The following PAX5 variants were observed in gnomAD, a reference collection of about 807,000 sequenced individuals.
The protein encoded by PAX5 is paired box 5.
In PAX5, 9 loss-of-function variants were observed where a neutral mutation model predicts 43.7. That is an observed-to-expected ratio of 0.21 (90% CI 0.12 to 0.36). The LOEUF (loss-of-function observed/expected upper bound fraction) is 0.36, where lower values mean the gene tolerates loss of function less well. PAX5 is among the 10% of genes least tolerant of loss of function. The pLI, the probability that PAX5 is intolerant of heterozygous loss-of-function variation, is 1.00. For synonymous variants in PAX5, 228 were observed against 214.3 expected, an observed-to-expected ratio of 1.06 and a Z score of -0.56; for missense variants, 383 against 532.7, an observed-to-expected ratio of 0.72 and a Z score of 2.77.
At chr9:36,919,865 A>AG (rs1830012520) in intron 7 of PAX5, among the ~76,000 whole-genome samples, 1 of 149,872 alleles carries the variant, frequency 6.7e-6, no homozygotes, top group African/African-American at 2.4e-5. Flanking sequence ...AAAAAAAAAA[A>AG]AAGAATATAC....
rs115969225 is a variant in PAX5 at position 36,895,255 on chromosome 9, G to C, written c.911-13150C>G. On this transcript the variant is annotated intron_variant, in intron 7 of 9. Coordinates refer to ENST00000358127, the MANE Select transcript of PAX5 (RefSeq NM_016734.3). ...GGTTCACCCCATGCCTGTGTGTGCC[G>C]CCGAATCCGCCGAATGCATGCGAGG... Among the ~76,000 whole-genome samples, 1,460 of 152,330 alleles carry C rather than the reference G, an allele frequency of 9.6e-3. 25 individuals carry two copies. The highest frequency in any genetic ancestry group is 0.032 in the African/African-American group (1,325 of 41,570).
At chr9:37,028,944 C>T (rs1171784603) in intron 1 of PAX5, among the ~76,000 whole-genome samples, 3 of 152,198 alleles carry the variant, frequency 2.0e-5, no homozygotes, top group Non-Finnish European at 4.4e-5. Context: ...ATCAAAGAAA[C>T]TGGACCTTGA....
chr9:36,983,244 T>A (rs1836091798), intron 5 of PAX5, among the ~76,000 whole-genome samples: 1 of 152,208 alleles, frequency 6.6e-6, no homozygotes, highest in African/African-American at 2.4e-5. Flanking sequence ...TGGAATTTTA[T>A]CAGGACATGT....
chr9:36,859,124 C>A (rs1209428570), intron 8 of PAX5, among the ~76,000 whole-genome samples: 1 of 152,160 alleles, frequency 6.6e-6, no homozygotes, highest in African/African-American at 2.4e-5. Flanking sequence ...TTCCCCTGCA[C>A]CCCGAGGAGC....
At chr9:36,887,582 CAGAA>C (rs1305659215) in intron 7 of PAX5, among the ~76,000 whole-genome samples, 1 of 152,172 alleles carries the variant, frequency 6.6e-6, no homozygotes, top group Non-Finnish European at 1.5e-5. Flanking sequence ...AATCCAGGTG[CAGAA>C]AGACTTTCTA....
chr9:37,016,494 T>C (rs1839395336), intron 2 of PAX5, among the ~76,000 whole-genome samples: 1 of 151,940 alleles, frequency 6.6e-6, no homozygotes, highest in Admixed American at 6.6e-5. Context: ...TTAAGGAAAA[T>C]AGGATGTCAG....
At chr9:37,000,690 C>T (rs3824344) in intron 5 of PAX5, among the ~76,000 whole-genome samples, 53,747 of 152,120 alleles carry the variant, frequency 0.35, 10,266 homozygotes, top group Admixed American at 0.48. Context: ...GCCACTTAGT[C>T]TCTGCTTACA....
chr9:36,932,510 T>C (rs1342626557), intron 6 of PAX5, among the ~76,000 whole-genome samples: 1 of 152,170 alleles, frequency 6.6e-6, no homozygotes, highest in African/African-American at 2.4e-5. Context: ...ATAGAGATGC[T>C]AGAAGTGGCA....
intron 5 of PAX5, among the ~76,000 whole-genome samples, chr9:36,982,963 G>A (rs887795713): frequency 2.0e-5 from 3 of 152,160 alleles, no homozygotes; most frequent in African/African-American, 7.2e-5. Flanking sequence ...TACTAATATT[G>A]TTATGGGGGA....
intron 7 of PAX5, among the ~76,000 whole-genome samples, chr9:36,921,079 C>T (rs1269132930): frequency 2.0e-5 from 3 of 152,190 alleles, no homozygotes; most frequent in African/African-American, 7.2e-5. Flanking sequence ...TCCCAAAGTG[C>T]TGGGATTACA....
At chr9:36,905,488 G>T (rs747595888) in intron 7 of PAX5, among the ~76,000 whole-genome samples, 12 of 152,218 alleles carry the variant, frequency 7.9e-5, no homozygotes, top group Non-Finnish European at 1.3e-4. Context: ...TCCAAATCAG[G>T]CCCCTCTCTC....
chr9:36,886,422 G>T (rs147450021), intron 7 of PAX5, among the ~76,000 whole-genome samples: 2 of 152,170 alleles, frequency 1.3e-5, no homozygotes, highest in African/African-American at 4.8e-5. Flanking sequence ...TCTGCTCTGA[G>T]GCCCATCAGA....
intron 5 of PAX5, among the ~76,000 whole-genome samples, chr9:36,998,334 A>G (rs943743222): frequency 1.3e-5 from 2 of 152,190 alleles, no homozygotes; most frequent in African/African-American, 4.8e-5. Flanking sequence ...CTGGCCTAAC[A>G]ATATTCTAGT....
chr9:36,851,208 C>T (rs1053424448), intron 8 of PAX5, among the ~76,000 whole-genome samples: 1 of 152,054 alleles, frequency 6.6e-6, no homozygotes, highest in African/African-American at 2.4e-5. Flanking sequence ...TTCCCCAGGC[C>T]AAGGGGACTG....
chr9:37,002,869 G>A (rs1381242203), intron 4 of PAX5, 93 bp from the exon 5 acceptor site: 2 of 1,410,500 alleles, frequency 1.4e-6, no homozygotes, highest in African/African-American at 1.4e-5. Flanking sequence ...GGCTGGGAGG[G>A]AGCGAGCGCA....
In PAX5 at chr9:36,864,014, T is replaced by C. The variant is rs370954820; in HGVS notation, c.1013-17085A>G. On this transcript the variant is annotated intron_variant, in intron 8 of 9. Coordinates refer to ENST00000358127, the MANE Select transcript of PAX5 (RefSeq NM_016734.3). ...GTCCCAGCTACTCGGGAGGCTGAGG[T>C]AGAAGAATTGCTTGAACCCACGAGG... Among the ~76,000 whole-genome samples the C allele has an allele frequency of 4.4e-3, 670 of 152,084 alleles. 5 individuals are homozygous for C. Among genetic ancestry groups the C allele is most frequent in the African/African-American group, 0.014 (592 of 41,478 alleles).
chr9:37,001,370 C>T (rs1193573622), intron 5 of PAX5, among the ~76,000 whole-genome samples: 4 of 152,156 alleles, frequency 2.6e-5, no homozygotes, highest in Non-Finnish European at 5.9e-5. Context: ...ACATCTGCTG[C>T]GAGTCCAGGT....
At chr9:36,921,147 A>G (rs550765052) in intron 7 of PAX5, among the ~76,000 whole-genome samples, 2 of 152,278 alleles carry the variant, frequency 1.3e-5, no homozygotes, top group East Asian at 3.9e-4. Flanking sequence ...GAAACCAAAA[A>G]ATGTGTGTGA....
intron 5 of PAX5, among the ~76,000 whole-genome samples, chr9:36,991,087 C>T (rs1193360380): frequency 1.4e-5 from 2 of 144,166 alleles, no homozygotes; most frequent in Admixed American, 1.4e-4. Context: ...CCAGCCTGGG[C>T]GGTAGAGCCA....
Sources: gnomAD v4.1 joint callset for allele counts (sites outside exome capture counted in the v4.1 genomes callset) on GRCh38, gnomAD v4.1.1 for gene constraint, MANE v1.5 for transcripts, NCBI Gene and HGNC (gene_info 2026-07-23, HGNC 2026-07-21) for gene names.